Variants in FARP2 observed in about 807,000 individuals in gnomAD.
FARP2 encodes the protein FERM, ARH/RhoGEF and pleckstrin domain protein 2.
FARP2 carries 111 observed loss-of-function variants against 130.5 expected under a neutral mutation model. The ratio of observed to expected loss-of-function variants is 0.85; its 90% CI spans 0.73 to 1.00. The LOEUF is 1.00. FARP2 is among the 50% of genes least tolerant of loss of function. The probability of loss-of-function intolerance (pLI) is 0.00; values close to 1 mark genes in which losing one functional copy is unlikely to be tolerated. For synonymous variants in FARP2, 504 were observed against 516.9 expected, an observed-to-expected ratio of 0.98 and a Z score of 0.34; for missense variants, 1,385 against 1,346.3, an observed-to-expected ratio of 1.03 and a Z score of -0.45.
At chr2:241,456,571 T>C (rs1186438029) in intron 13 of FARP2, 176 bp from the exon 14 acceptor site, 1 of 638,860 alleles carries the variant, frequency 1.6e-6, no homozygotes, top group Non-Finnish European at 2.8e-6. Flanking sequence ...CTCATTTTCA[T>C]TTTATGTCAT....
At chr2:241,440,029 G>A (rs951002153) in intron 12 of FARP2, among the ~76,000 whole-genome samples, 1 of 152,166 alleles carries the variant, frequency 6.6e-6, no homozygotes, top group African/African-American at 2.4e-5. Flanking sequence ...AAAGCCACAT[G>A]AGAATATTGA....
intron 2 of FARP2, among the ~76,000 whole-genome samples, chr2:241,382,033 C>T (rs774954494): frequency 5.3e-5 from 8 of 152,110 alleles, no homozygotes; most frequent in Admixed American, 2.0e-4. Context: ...AATACTTGTA[C>T]GCTGCAGAAA....
chr2:241,430,433 A>G (rs1203797298), intron 8 of FARP2, among the ~76,000 whole-genome samples: 2 of 152,160 alleles, frequency 1.3e-5, no homozygotes, highest in South Asian at 2.1e-4. Flanking sequence ...GGCCCTCTCA[A>G]CAGACAATGC....
At chr2:241,468,999 G>A (rs549241271) in intron 18 of FARP2, among the ~76,000 whole-genome samples, 92 of 152,202 alleles carry the variant, frequency 6.0e-4, no homozygotes, top group African/African-American at 2.0e-3. Flanking sequence ...GCTCTAATGG[G>A]GACCTATTCT....
chr2:241,377,340 T>G (rs2061561385), intron 2 of FARP2, among the ~76,000 whole-genome samples: 1 of 149,918 alleles, frequency 6.7e-6, no homozygotes, highest in South Asian at 2.1e-4. Context: ...TTTCTTTTTT[T>G]TTTTTTTTTT....
chr2:241,420,085 A>C (rs1461309571), intron 8 of FARP2, among the ~76,000 whole-genome samples: 2 of 152,222 alleles, frequency 1.3e-5, no homozygotes, highest in African/African-American at 4.8e-5. Flanking sequence ...CAGGAGGTCG[A>C]GGCTACAGTG....
chr2:241,396,776 C>T (rs1341640592), intron 2 of FARP2, among the ~76,000 whole-genome samples: 10 of 152,010 alleles, frequency 6.6e-5, no homozygotes, highest in Non-Finnish European at 1.2e-4. Flanking sequence ...GTCAGTGTGG[C>T]GATTCCTCAG....
chr2:241,411,185 C>T (rs929697238), intron 6 of FARP2, 55 bp downstream of exon 6: 7 of 1,221,834 alleles, frequency 5.7e-6, no homozygotes, highest in African/African-American at 1.5e-5. Flanking sequence ...CAGATATACC[C>T]GCACTCAGAA....
chr2:241,472,027 C>T (rs75332353), intron 18 of FARP2, among the ~76,000 whole-genome samples: 3,260 of 83,990 alleles, frequency 0.039, 154 homozygotes, highest in Admixed American at 0.2. Flanking sequence ...TTTCTGGGAA[C>T]ACTGTTCTGA....
chr2:241,360,241 T>G (rs2061157305), intron 1 of FARP2, among the ~76,000 whole-genome samples: 1 of 152,368 alleles, frequency 6.6e-6, no homozygotes, highest in Non-Finnish European at 1.5e-5. Flanking sequence ...AGATTTCTTC[T>G]GAGGCAGAGG....
At chr2:241,437,982 GT>G (rs1261546362) in intron 12 of FARP2, among the ~76,000 whole-genome samples, 1 of 151,880 alleles carries the variant, frequency 6.6e-6, no homozygotes, top group Admixed American at 6.6e-5. Context: ...TGATTTTTGT[GT>G]TTTTTAGTAG....
chr2:241,380,115 A>G (rs2061626696), intron 2 of FARP2, among the ~76,000 whole-genome samples: 1 of 152,236 alleles, frequency 6.6e-6, no homozygotes, highest in Admixed American at 6.5e-5. Flanking sequence ...ATGGAAAAGA[A>G]TAGGGAAATG....
At chr2:241,463,822 T>C in intron 16 of FARP2, 77 bp from the exon 17 acceptor site, 1 of 1,270,952 alleles carries the variant, frequency 7.9e-7, no homozygotes, top group Non-Finnish European at 1.1e-6. Flanking sequence ...CCAAGGCAGC[T>C]GTCACCCTGC....
rs2062130670 is a variant in FARP2 at position 241,400,162 on chromosome 2, G to A, written c.184-3666G>A. 2.6e-5 allele frequency among the ~76,000 whole-genome samples: 4 copies of A among 152,314 alleles called. No individual in the cohort carries two copies. The South Asian group carries it at 8.3e-4, about 32-fold the overall frequency. ...TGGCTGCACTACTCTAGGCAGTGCA[G>A]GGGCTCAGGTAGGACGGGGAACCCT... On this transcript the variant is annotated intron_variant, in intron 2 of 26. Coordinates refer to ENST00000264042, the MANE Select transcript of FARP2 (RefSeq NM_014808.4).
chr2:241,418,303 C>A (rs2062727665), intron 8 of FARP2, among the ~76,000 whole-genome samples, 194 bp downstream of exon 8: 1 of 152,222 alleles, frequency 6.6e-6, no homozygotes, highest in Non-Finnish European at 1.5e-5. Flanking sequence ...CCTTCTCTGA[C>A]ACACGTGTGA....
In FARP2 at chr2:241,491,177, C is replaced by T. The variant is rs147732224; in HGVS notation, c.2621C>T (p.Pro874Leu). The change falls in exon 23 of 27, where the codon CCC (proline) becomes CTC (leucine). Residue 874 changes from proline (P) to leucine (L), a missense_variant and splice_region_variant. Physicochemically the swap from Pro to Leu is moderately conservative, Grantham distance 98. Transcript: ENST00000264042. ...LPGRTVCTRP[P>L]RSPNEVSLEQ... is the part of the protein sequence containing the mutation. ...GGCCGCACTGTGTGCACTCGTCCCCCCAGTGAGTGCTGGCCACAACCCCCC... is the reference window on the plus strand; with the variant it reads ...GGCCGCACTGTGTGCACTCGTCCCCTCAGTGAGTGCTGGCCACAACCCCCC... 20 of 1,604,682 alleles carry T rather than the reference C, an allele frequency of 1.2e-5. No individual in the cohort carries two copies. In the Admixed American group the frequency reaches 2.2e-4, roughly 17 times the overall value.
intron 17 of FARP2, chr2:241,466,683 C>A: frequency 1.3e-6 from 1 of 750,686 alleles, no homozygotes; most frequent in Non-Finnish European, 1.6e-6. Context: ...CACTCCCCTT[C>A]CAACCACCCC....
intron 5 of FARP2, among the ~76,000 whole-genome samples, chr2:241,407,836 T>A (rs944565781): frequency 8.5e-5 from 13 of 152,126 alleles, no homozygotes; most frequent in African/African-American, 3.1e-4. Context: ...AATTTGAAAA[T>A]AAAAAATGGA....
intron 23 of FARP2, 121 bp downstream of exon 23, chr2:241,491,300 G>A (rs1014321858): frequency 3.4e-6 from 3 of 881,250 alleles, no homozygotes. Context: ...CTTCCACAAG[G>A]AATGTTCCAG....
Sources: gnomAD v4.1 joint callset for allele counts (sites outside exome capture counted in the v4.1 genomes callset) on GRCh38, gnomAD v4.1.1 for gene constraint, MANE v1.5 for transcripts, NCBI Gene and HGNC (gene_info 2026-07-23, HGNC 2026-07-21) for gene names.